Variants in FAM20B observed in about 807,000 individuals in gnomAD.
The protein encoded by FAM20B is glycosaminoglycan xylosylkinase.
Under a neutral mutation model 43.8 loss-of-function variants are expected in FAM20B, and 23 were observed. The observed-to-expected ratio is 0.53, with a 90% CI of 0.38 to 0.74. The LOEUF (loss-of-function observed/expected upper bound fraction) is 0.74, where lower values mean the gene tolerates loss of function less well. Ranked by LOEUF, FAM20B falls within the 30% of genes least tolerant of loss-of-function variation. The pLI, the probability that FAM20B is intolerant of heterozygous loss-of-function variation, is 0.00. For synonymous variants in FAM20B, 178 were observed against 192.4 expected, an observed-to-expected ratio of 0.93 and a Z score of 0.62; for missense variants, 440 against 510.5, an observed-to-expected ratio of 0.86 and a Z score of 1.33.
At chr1:179,061,651 C>A (rs1444854372) in intron 4 of FAM20B, among the ~76,000 whole-genome samples, 1 of 152,138 alleles carries the variant, frequency 6.6e-6, no homozygotes, top group Non-Finnish European at 1.5e-5. Flanking sequence ...TCAAGTGATC[C>A]TTCTCCCTTG....
the FAM20B span, among the ~76,000 whole-genome samples, chr1:179,018,517 G>T: frequency 4.6e-5 from 7 of 152,176 alleles, no homozygotes; most frequent in African/African-American, 1.7e-4. Flanking sequence ...ATGTTGGCCA[G>T]GTTGGTCTCA....
intron 1 of FAM20B, among the ~76,000 whole-genome samples, chr1:179,040,060 G>T (rs1224193828): frequency 4.6e-5 from 7 of 152,222 alleles, no homozygotes; most frequent in Non-Finnish European, 8.8e-5. Flanking sequence ...CAAGGTCACA[G>T]ATCAACAGGA....
intron 4 of FAM20B, among the ~76,000 whole-genome samples, chr1:179,056,497 T>C (rs1651225981): frequency 6.6e-6 from 1 of 152,258 alleles, no homozygotes; most frequent in Admixed American, 6.5e-5. Flanking sequence ...TATTGCTGAC[T>C]AATGTTCCAT....
upstream of FAM20B, among the ~76,000 whole-genome samples, chr1:179,024,624 A>G (rs557103098): frequency 6.6e-6 from 1 of 152,374 alleles, no homozygotes; most frequent in East Asian, 1.9e-4. Flanking sequence ...AAAAGCTAAT[A>G]CAATGCCTTC....
chr1:179,029,173 G>T (rs978723481), intron 1 of FAM20B, among the ~76,000 whole-genome samples: 1 of 152,240 alleles, frequency 6.6e-6, no homozygotes. Flanking sequence ...TGACCTGACT[G>T]CCCTTGTCCC....
intron 7 of FAM20B, among the ~76,000 whole-genome samples, chr1:179,070,711 G>A (rs1469568231): frequency 6.6e-6 from 1 of 151,576 alleles, no homozygotes; most frequent in African/African-American, 2.4e-5. Flanking sequence ...TTTTAGTAGA[G>A]ACGGGGTTTT....
chr1:179,064,322 G>A lies in FAM20B; in HGVS notation c.764G>A (p.Ser255Asn). Residue 255 changes from serine (S) to asparagine (N), a missense_variant, in exon 6 of 8, where the codon AGC becomes AAC. Transcript: ENST00000263733. ...GKLARWEYDESYCDAVKKTSP... is the reference protein window; with the variant it reads ...GKLARWEYDENYCDAVKKTSP... ...GTCTCCAGGTGGGAGTATGATGAGA[G>A]CTACTGTGATGCTGTGAAGAAAACG... 1.2e-6 allele frequency: 2 copies of A among 1,610,792 alleles called. No individual in the cohort carries two copies. The highest frequency in any genetic ancestry group is 2.2e-5 in the East Asian group (1 of 44,794).
chr1:179,063,228 G>A (rs1256554581), intron 4 of FAM20B, among the ~76,000 whole-genome samples: 1 of 152,090 alleles, frequency 6.6e-6, no homozygotes, highest in East Asian at 1.9e-4. Flanking sequence ...AGTGAGCCAA[G>A]ATCTTGCCAC....
chr1:179,024,723 A>G (rs984296418), upstream of FAM20B, among the ~76,000 whole-genome samples: 1 of 152,228 alleles, frequency 6.6e-6, no homozygotes, highest in African/African-American at 2.4e-5. Flanking sequence ...TTATTTCTCT[A>G]GGATCTCCTG....
At chr1:179,021,748 C>A (rs142889642), upstream of FAM20B, among the ~76,000 whole-genome samples, 79 of 152,174 alleles carry the variant, frequency 5.2e-4, 1 homozygote, top group Admixed American at 9.2e-4. Context: ...AAGAAAACAT[C>A]CCGTATTACT....
intron 1 of FAM20B, chr1:179,035,668 C>T (rs183331619): frequency 1.0e-5 from 4 of 382,300 alleles, no homozygotes; most frequent in Admixed American, 7.8e-5. Context: ...AGGCATGGAC[C>T]GGAGAGGAGA....
intron 2 of FAM20B, among the ~76,000 whole-genome samples, chr1:179,050,060 A>G (rs1650939768): frequency 6.6e-6 from 1 of 152,228 alleles, no homozygotes; most frequent in Non-Finnish European, 1.5e-5. Flanking sequence ...TATTCTTAGA[A>G]TGATTGGTGA....
the FAM20B span, among the ~76,000 whole-genome samples, chr1:179,020,064 T>C: frequency 2.0e-5 from 3 of 151,838 alleles, no homozygotes; most frequent in Admixed American, 2.0e-4. Context: ...ACATCTACCT[T>C]CCAGGAAAGG....
At chr1:179,046,004 A>C (rs1190667827) in intron 2 of FAM20B, among the ~76,000 whole-genome samples, 1 of 152,158 alleles carries the variant, frequency 6.6e-6, no homozygotes, top group Non-Finnish European at 1.5e-5. Context: ...TGTATCTCTT[A>C]ATCCTTTAAA....
At chr1:179,020,007 T>C in the FAM20B span, among the ~76,000 whole-genome samples, 3 of 152,186 alleles carry the variant, frequency 2.0e-5, no homozygotes, top group East Asian at 5.8e-4. Flanking sequence ...TCCCACTGTG[T>C]TGAGTACCTT....
At chr1:179,018,439 T>C in the FAM20B span, among the ~76,000 whole-genome samples, 4 of 152,146 alleles carry the variant, frequency 2.6e-5, no homozygotes, top group Non-Finnish European at 5.9e-5. Flanking sequence ...CCCGAGTAGC[T>C]GGGATTATGG....
intron 4 of FAM20B, among the ~76,000 whole-genome samples, chr1:179,059,040 A>C (rs981397760): frequency 6.6e-6 from 1 of 152,254 alleles, no homozygotes; most frequent in African/African-American, 2.4e-5. Context: ...CTTCACAGGC[A>C]CATCCAGGAG....
intron 1 of FAM20B, among the ~76,000 whole-genome samples, chr1:179,027,848 T>G (rs1184344126): frequency 6.6e-6 from 1 of 152,204 alleles, no homozygotes; most frequent in Non-Finnish European, 1.5e-5. Flanking sequence ...TCTTTTTGGT[T>G]CTTAAGATTA....
intron 1 of FAM20B, among the ~76,000 whole-genome samples, chr1:179,038,738 A>C (rs748234635): frequency 6.6e-5 from 10 of 152,240 alleles, no homozygotes; most frequent in Non-Finnish European, 1.2e-4. Context: ...GAACTGTTTT[A>C]CTGAGTTCCA....
Sources: gnomAD v4.1 joint callset for allele counts (sites outside exome capture counted in the v4.1 genomes callset) on GRCh38, gnomAD v4.1.1 for gene constraint, MANE v1.5 for transcripts, NCBI Gene and HGNC (gene_info 2026-07-23, HGNC 2026-07-21) for gene names.